The following BBS9 variants were observed in gnomAD, a reference collection of about 807,000 sequenced individuals.
BBS9 encodes Bardet-Biedl syndrome 9.
A neutral mutation model predicts 117.7 loss-of-function variants in BBS9; 89 were observed. The ratio of observed to expected loss-of-function variants is 0.76; its 90% CI spans 0.64 to 0.90. The LOEUF (loss-of-function observed/expected upper bound fraction) is 0.90, where lower values mean the gene tolerates loss of function less well. Ranked by LOEUF, BBS9 falls within the 40% of genes least tolerant of loss-of-function variation. The pLI is 0.00. For synonymous variants in BBS9, 379 were observed against 370.9 expected, an observed-to-expected ratio of 1.02 and a Z score of -0.25; for missense variants, 982 against 1,042.2, an observed-to-expected ratio of 0.94 and a Z score of 0.80.
chr7:33,351,408 T>A, intron 14 of BBS9, 85 bp downstream of exon 14: 1 of 885,218 alleles, frequency 1.1e-6, no homozygotes. Flanking sequence ...AAACATACTG[T>A]GAAATATCAT....
intron 5 of BBS9, among the ~76,000 whole-genome samples, chr7:33,239,800 A>G (rs998373567): frequency 3.3e-5 from 5 of 152,092 alleles, no homozygotes; most frequent in Non-Finnish European, 7.4e-5. Context: ...GCTTGAGGCC[A>G]GGAATTCAAG....
chr7:33,605,492 A>G lies in BBS9; in HGVS notation c.*266A>G. 2.0e-6 allele frequency: 1 copy of G among 510,594 alleles called. No homozygotes were observed. The highest frequency in any genetic ancestry group is 2.5e-5 in the South Asian group (1 of 40,664). The allele number at this position is 510,594 out of a possible 1,614,324, so 31.6% of individuals were successfully genotyped here. A position where few individuals can be genotyped will look rare whatever the true frequency, so the allele number is the denominator to read the frequency against. On this transcript the variant is annotated 3_prime_UTR_variant, in exon 23 of 23. Coordinates refer to ENST00000242067, the MANE Select transcript of BBS9 (RefSeq NM_198428.3). ...GTCATCCATCTGCTAATAGTCACAG[A>G]ATACAGTGAAATGACATAGTTTTGG...
chr7:33,173,922 A>C (rs1361413862), intron 4 of BBS9, among the ~76,000 whole-genome samples: 1 of 152,236 alleles, frequency 6.6e-6, no homozygotes, highest in African/African-American at 2.4e-5. Context: ...AAAATGAAAC[A>C]AAGTGGGTAG....
intron 9 of BBS9, among the ~76,000 whole-genome samples, chr7:33,283,018 A>G (rs562486707): frequency 6.6e-6 from 1 of 152,222 alleles, no homozygotes; most frequent in South Asian, 2.1e-4. Flanking sequence ...ATTTTTTGTA[A>G]TCACAATTTC....
chr7:33,289,738 T>C (rs34540469), intron 9 of BBS9, among the ~76,000 whole-genome samples: 21,977 of 152,160 alleles, frequency 0.14, 1,875 homozygotes, highest in Non-Finnish European at 0.19. Context: ...TTCATATTAA[T>C]TGAATATTTA....
At chr7:33,535,903 G>A (rs1851293001) in intron 21 of BBS9, among the ~76,000 whole-genome samples, 1 of 152,068 alleles carries the variant, frequency 6.6e-6, no homozygotes, top group Non-Finnish European at 1.5e-5. Flanking sequence ...TCTCTTCTCA[G>A]GTCCCTGTCT....
chr7:33,543,464 A>G (rs1203863490), intron 21 of BBS9, among the ~76,000 whole-genome samples: 1 of 152,172 alleles, frequency 6.6e-6, no homozygotes, highest in Non-Finnish European at 1.5e-5. Context: ...CAGTTTAATT[A>G]GATCCCAGCT....
intron 21 of BBS9, among the ~76,000 whole-genome samples, chr7:33,535,831 G>A (rs1038600858): frequency 6.6e-6 from 1 of 152,008 alleles, no homozygotes; most frequent in Non-Finnish European, 1.5e-5. Flanking sequence ...ATTTGAAGAG[G>A]GATGGGATGG....
chr7:33,583,348 A>C (rs906004446), intron 21 of BBS9, among the ~76,000 whole-genome samples: 3 of 152,152 alleles, frequency 2.0e-5, no homozygotes, highest in Non-Finnish European at 4.4e-5. Context: ...TTATCTATAG[A>C]CAGACTATCT....
intron 4 of BBS9, among the ~76,000 whole-genome samples, chr7:33,156,249 G>T (rs1244928661): frequency 6.6e-6 from 1 of 151,822 alleles, no homozygotes; most frequent in African/African-American, 2.4e-5. Context: ...TATGTGGTTT[G>T]GTTTTTATTA....
At chr7:33,295,783 T>A (rs1243432018) in intron 9 of BBS9, among the ~76,000 whole-genome samples, 1 of 152,032 alleles carries the variant, frequency 6.6e-6, no homozygotes, top group Non-Finnish European at 1.5e-5. Flanking sequence ...ATCCAGACTG[T>A]TAACAAAATA....
intron 21 of BBS9, among the ~76,000 whole-genome samples, chr7:33,560,826 G>T (rs1171696397): frequency 6.6e-6 from 1 of 152,104 alleles, no homozygotes; most frequent in Non-Finnish European, 1.5e-5. Flanking sequence ...CATCAGGAAG[G>T]TTTTTTCCCT....
chr7:33,156,724 T>G (rs1022373397), intron 4 of BBS9, among the ~76,000 whole-genome samples: 1 of 152,188 alleles, frequency 6.6e-6, no homozygotes, highest in Non-Finnish European at 1.5e-5. Flanking sequence ...ACAGTGGCTT[T>G]CTTTATTACT....
At chr7:33,402,665 C>G (rs772937869) in intron 19 of BBS9, among the ~76,000 whole-genome samples, 2 of 152,134 alleles carry the variant, frequency 1.3e-5, no homozygotes, top group African/African-American at 4.8e-5. Context: ...TATCAGTTTT[C>G]CTCAGTGGTT....
At chr7:33,276,656 G>GA (rs1205642516) in intron 9 of BBS9, among the ~76,000 whole-genome samples, 2 of 152,074 alleles carry the variant, frequency 1.3e-5, no homozygotes, top group Non-Finnish European at 2.9e-5. Context: ...AAAGAAAAAA[G>GA]AAAAAAACAG....
At chr7:33,402,526 C>T (rs959831312) in intron 19 of BBS9, among the ~76,000 whole-genome samples, 4 of 152,152 alleles carry the variant, frequency 2.6e-5, no homozygotes, top group African/African-American at 7.2e-5. Context: ...CCCACTCCAA[C>T]TACAAGAAAC....
intron 20 of BBS9, among the ~76,000 whole-genome samples, chr7:33,507,439 T>C (rs1473537136): frequency 6.6e-6 from 1 of 152,106 alleles, no homozygotes; most frequent in Admixed American, 6.6e-5. Context: ...AGACAGAGTT[T>C]CACTGTGTTG....
chr7:33,474,371 G>A (rs1018870014), intron 19 of BBS9, among the ~76,000 whole-genome samples: 2 of 152,130 alleles, frequency 1.3e-5, no homozygotes, highest in East Asian at 1.9e-4. Flanking sequence ...CAGCTTCCCC[G>A]ACTTGTCTTC....
rs1342372491 is a variant in BBS9 at position 33,470,067 on chromosome 7, C to T, written c.2116-35396C>T. On this transcript the variant is annotated intron_variant, in intron 19 of 22. Transcript: ENST00000242067. ...GCTTGGAACTAGAATGTAAGCTCTT[C>T]GAGGGTAGAGGCCATGTCTTGCTCA... Among the ~76,000 whole-genome samples, 12 of 152,228 alleles carry T rather than the reference C, an allele frequency of 7.9e-5. No individual in the cohort carries two copies. The East Asian group carries it at 1.9e-3, about 24-fold the overall frequency.
Sources: allele counts gnomAD v4.1 joint callset (sites outside exome capture counted in the v4.1 genomes callset), GRCh38; gene constraint gnomAD v4.1.1; transcripts MANE v1.5; gene names NCBI Gene and HGNC (gene_info 2026-07-23, HGNC 2026-07-21).